NKAIN2: variants seen among roughly 807,000 people sequenced by gnomAD.
NKAIN2 encodes sodium/potassium-transporting ATPase subunit beta-1-interacting protein 2.
NKAIN2 carries 14 observed loss-of-function variants against 32.6 expected under a neutral mutation model. That is an observed-to-expected ratio of 0.43 (90% CI 0.28 to 0.67). The LOEUF is 0.67. Ranked by LOEUF, NKAIN2 falls within the 30% of genes least tolerant of loss-of-function variation. The probability of loss-of-function intolerance (pLI) is 0.17; values close to 1 mark genes in which losing one functional copy is unlikely to be tolerated. For synonymous variants in NKAIN2, 80 were observed against 87.2 expected (o/e 0.92, Z 0.46); for missense variants, 198 against 258.3 (o/e 0.77, Z 1.60).
intron 2 of NKAIN2, among the ~76,000 whole-genome samples, chr6:124,317,456 T>G (rs774640438): frequency 4.6e-5 from 7 of 152,060 alleles, no homozygotes; most frequent in Non-Finnish European, 1.0e-4. Context: ...CTAAATAACT[T>G]CCTTAGAGTA....
chr6:124,140,820 A>G (rs540639715), intron 1 of NKAIN2, among the ~76,000 whole-genome samples: 1 of 152,314 alleles, frequency 6.6e-6, no homozygotes, highest in East Asian at 1.9e-4. Context: ...TTCATTCTGC[A>G]ACATACAATG....
chr6:123,895,541 T>C (rs550095112), intron 1 of NKAIN2, among the ~76,000 whole-genome samples: 2 of 152,302 alleles, frequency 1.3e-5, no homozygotes, highest in East Asian at 3.9e-4. Context: ...ATCCATCTAG[T>C]GCTGATTCTT....
chr6:124,648,966 A>T (rs1437967776), intron 3 of NKAIN2, among the ~76,000 whole-genome samples: 2 of 152,176 alleles, frequency 1.3e-5, no homozygotes, highest in Non-Finnish European at 2.9e-5. Flanking sequence ...TCACTTTTTA[A>T]ATTTTGTAGA....
chr6:123,953,151 AG>A (rs1263051714), intron 1 of NKAIN2, among the ~76,000 whole-genome samples: 1 of 152,174 alleles, frequency 6.6e-6, no homozygotes, highest in Admixed American at 6.5e-5. Flanking sequence ...TATCTGCACC[AG>A]TCCTGTCTGT....
intron 4 of NKAIN2, among the ~76,000 whole-genome samples, chr6:124,721,403 CAAAA>C (rs11330814): frequency 2.9e-5 from 3 of 101,772 alleles, no homozygotes; most frequent in Non-Finnish European, 2.1e-5. Context: ...GACTCCGTCT[CAAAA>C]AAAAAAAAAA....
At chr6:124,657,751 G>A (rs1784591370) in intron 3 of NKAIN2, among the ~76,000 whole-genome samples, 1 of 151,662 alleles carries the variant, frequency 6.6e-6, no homozygotes, top group African/African-American at 2.4e-5. Flanking sequence ...TTGAAGTATA[G>A]CTTTAAGATT....
chr6:124,794,474 T>G lies in NKAIN2; in HGVS notation c.535+3075T>G, dbSNP rs1386210128. On this transcript the variant is annotated intron_variant, in intron 5 of 6. Transcript: ENST00000368417. Reference sequence around the variant, plus strand: ...TTTTCCCCTGAAAGACTCCAAAAAATAACATATATGTTTTTATGTGTATCT... The same window carrying G: ...TTTTCCCCTGAAAGACTCCAAAAAAGAACATATATGTTTTTATGTGTATCT... Among the ~76,000 whole-genome samples the G allele has an allele frequency of 2.0e-5, 3 of 152,146 alleles. No individual in the cohort carries two copies. The East Asian group carries it at 5.8e-4, about 29-fold the overall frequency.
At chr6:124,681,154 A>G (rs1197887341) in intron 4 of NKAIN2, among the ~76,000 whole-genome samples, 1 of 151,968 alleles carries the variant, frequency 6.6e-6, no homozygotes, top group East Asian at 1.9e-4. Flanking sequence ...ACAGATCTAT[A>G]TTCTTCCCAT....
intron 5 of NKAIN2, among the ~76,000 whole-genome samples, chr6:124,814,138 T>C (rs1001375323): frequency 6.6e-6 from 1 of 152,186 alleles, no homozygotes; most frequent in African/African-American, 2.4e-5. Flanking sequence ...GAAGAACCCT[T>C]CCATAAAAGG....
Position 124,063,454 on chromosome 6 carries a change from C to G in NKAIN2, c.55-219551C>G, listed in dbSNP as rs566113017. Reference sequence around the variant, plus strand: ...AATGATTTAATTTAGTCATTGATCACTGATGAGACTACTAGTTCTTTCAAT... The same window carrying G: ...AATGATTTAATTTAGTCATTGATCAGTGATGAGACTACTAGTTCTTTCAAT... On this transcript the variant is annotated intron_variant, in intron 1 of 6. Coordinates refer to ENST00000368417, the MANE Select transcript of NKAIN2 (RefSeq NM_001040214.3). 1.1e-4 allele frequency among the ~76,000 whole-genome samples: 17 copies of G among 152,222 alleles called. No individual in the cohort carries two copies. The East Asian group carries it at 1.5e-3, about 14-fold the overall frequency.
chr6:124,771,223 T>C (rs1778737635), intron 4 of NKAIN2, among the ~76,000 whole-genome samples: 1 of 152,200 alleles, frequency 6.6e-6, no homozygotes, highest in Non-Finnish European at 1.5e-5. Flanking sequence ...GTGTTGTGGA[T>C]ATGTCTTATT....
chr6:123,823,701 T>G (rs946326106), intron 1 of NKAIN2, among the ~76,000 whole-genome samples: 2 of 151,970 alleles, frequency 1.3e-5, no homozygotes, highest in Non-Finnish European at 1.5e-5. Context: ...AGAAGAATTA[T>G]TGAAGAGAAA....
intron 4 of NKAIN2, among the ~76,000 whole-genome samples, chr6:124,714,457 T>C (rs939500236): frequency 6.6e-6 from 1 of 152,222 alleles, no homozygotes; most frequent in Admixed American, 6.5e-5. Flanking sequence ...GGAGCTGACA[T>C]GGAAGTTTAA....
In NKAIN2 at chr6:123,849,964, TTGTTTG is replaced by T. The variant is rs775909682; in HGVS notation, c.54+45712_54+45717del. ...ACTCAGGCTGGTTTTTTTTTTTTGT[TTGTTTG>T]TTTTTTTTTTAACTTTCTGTGGAGA... On this transcript the variant is annotated intron_variant, in intron 1 of 6. Coordinates refer to ENST00000368417, the MANE Select transcript of NKAIN2 (RefSeq NM_001040214.3). Among the ~76,000 whole-genome samples the T allele has an allele frequency of 3.8e-3, 71 of 18,776 alleles. 15 individuals carry two copies. In the East Asian group the frequency reaches 0.11, roughly 29 times the overall value. The allele number at this position is 18,776 out of a possible 152,430, so 12.3% of individuals were successfully genotyped here.
chr6:124,303,480 C>T (rs1796382948), intron 2 of NKAIN2, among the ~76,000 whole-genome samples: 1 of 152,114 alleles, frequency 6.6e-6, no homozygotes, highest in South Asian at 2.1e-4. Context: ...CCCTTGAGAA[C>T]AGGCAAGAAT....
At chr6:124,047,096 C>T (rs1782175323) in intron 1 of NKAIN2, among the ~76,000 whole-genome samples, 1 of 151,932 alleles carries the variant, frequency 6.6e-6, no homozygotes, top group Admixed American at 6.6e-5. Context: ...GCTTCCATTT[C>T]CTTATGATAT....
At chr6:124,725,607 C>G (rs570005456) in intron 4 of NKAIN2, among the ~76,000 whole-genome samples, 4 of 152,268 alleles carry the variant, frequency 2.6e-5, no homozygotes, top group African/African-American at 9.6e-5. Context: ...CAAGAGTCTT[C>G]CAAATGATAC....
At chr6:123,921,280 G>A (rs1049733587) in intron 1 of NKAIN2, among the ~76,000 whole-genome samples, 28 of 152,238 alleles carry the variant, frequency 1.8e-4, no homozygotes, top group African/African-American at 6.7e-4. Context: ...GGCTTTTTCC[G>A]TTGTCGAACA....
chr6:124,397,393 C>T lies in NKAIN2; in HGVS notation c.273+42046C>T, dbSNP rs912075869. On this transcript the variant is annotated intron_variant, in intron 3 of 6. Coordinates refer to ENST00000368417, the MANE Select transcript of NKAIN2 (RefSeq NM_001040214.3). ...CAATAATGATGACGTCTAAGAACAACGATAATATAATTACTCCAAATAATA... is the reference window on the plus strand; with the variant it reads ...CAATAATGATGACGTCTAAGAACAATGATAATATAATTACTCCAAATAATA... Among the ~76,000 whole-genome samples, 17 of 152,092 alleles carry T rather than the reference C, an allele frequency of 1.1e-4. No homozygotes were observed. The East Asian group carries it at 1.7e-3, about 16-fold the overall frequency.
Sources: gnomAD v4.1 joint callset for allele counts (sites outside exome capture counted in the v4.1 genomes callset) on GRCh38, gnomAD v4.1.1 for gene constraint, MANE v1.5 for transcripts, NCBI Gene and HGNC (gene_info 2026-07-23, HGNC 2026-07-21) for gene names.